The following SLC22A15 variants were observed in gnomAD, a reference collection of about 807,000 sequenced individuals.
SLC22A15 encodes solute carrier family 22 member 15, also known as flipt 1.
SLC22A15 carries 45 observed loss-of-function variants against 62.7 expected under a neutral mutation model. That is an observed-to-expected ratio of 0.72 (90% confidence interval 0.56 to 0.92). SLC22A15 has a LOEUF of 0.92. SLC22A15 is among the 40% of genes least tolerant of loss of function. The pLI is 0.00. For missense variants in SLC22A15, 622 were observed against 665.6 expected, an observed-to-expected ratio of 0.93 and a Z score of 0.72; for synonymous variants, 264 against 267.0, an observed-to-expected ratio of 0.99 and a Z score of 0.11.
intron 8 of SLC22A15, among the ~76,000 whole-genome samples, chr1:116,042,483 C>T (rs556720013): frequency 9.2e-5 from 14 of 151,916 alleles, no homozygotes; most frequent in Non-Finnish European, 2.1e-4. Context: ...ACTAACAAAA[C>T]ATCAGTGAAT....
At chr1:116,046,827 C>T (rs570494004) in intron 8 of SLC22A15, among the ~76,000 whole-genome samples, 94 of 152,312 alleles carry the variant, frequency 6.2e-4, no homozygotes, top group African/African-American at 2.1e-3. Context: ...GGAGCTGAGT[C>T]AATTAAGACA....
chr1:116,026,831 G>A (rs752282384), intron 4 of SLC22A15, 62 bp from the exon 5 acceptor site: 83 of 1,591,052 alleles, frequency 5.2e-5, no homozygotes, highest in Middle Eastern at 2.3e-4. Flanking sequence ...TGTAACTTGG[G>A]GTTGGAAATG....
intron 1 of SLC22A15, among the ~76,000 whole-genome samples, chr1:115,980,213 T>A (rs1043194104): frequency 6.6e-6 from 1 of 152,174 alleles, no homozygotes; most frequent in Non-Finnish European, 1.5e-5. Context: ...ACTTGCTATA[T>A]TAGCAAACAT....
At chr1:116,031,825 A>G in intron 6 of SLC22A15, 1 of 1,360,856 alleles carries the variant, frequency 7.3e-7, no homozygotes, top group Non-Finnish European at 9.4e-7. Context: ...AGTAGACATC[A>G]GAAGCACATC....
intron 8 of SLC22A15, among the ~76,000 whole-genome samples, chr1:116,056,566 A>T (rs1408062194): frequency 6.6e-6 from 1 of 151,770 alleles, no homozygotes; most frequent in African/African-American, 2.4e-5. Context: ...TTTAAAGTTC[A>T]TATGGAACCA....
At chr1:116,038,953 C>T (rs1657710130) in intron 8 of SLC22A15, among the ~76,000 whole-genome samples, 1 of 152,170 alleles carries the variant, frequency 6.6e-6, no homozygotes, top group African/African-American at 2.4e-5. Context: ...AACCTATCCC[C>T]TAGGACTCTA....
At chr1:116,046,538 C>T (rs557980323) in intron 8 of SLC22A15, among the ~76,000 whole-genome samples, 3 of 152,222 alleles carry the variant, frequency 2.0e-5, no homozygotes, top group Admixed American at 6.5e-5. Flanking sequence ...ATCATCATGG[C>T]GGACAGAAAG....
At position 115,983,425 on chromosome 1, in the gene SLC22A15, T is replaced by A. The variant is rs1485111858; in HGVS notation, c.87+6711T>A. On this transcript the variant is annotated intron_variant, in intron 1 of 11. Coordinates refer to ENST00000369503, the MANE Select transcript of SLC22A15 (RefSeq NM_018420.3). The stretch of plus-strand genomic sequence containing the variant: ...AGAAGCAGGACCCCTAGGATGGAGA[T>A]GTGTGTGTGTGTGTGCACGCGCACA... Among the ~76,000 whole-genome samples, 3 of 148,636 alleles carry A rather than the reference T, an allele frequency of 2.0e-5. No individual in the cohort carries two copies. In the Admixed American group the frequency reaches 2.0e-4, roughly 10 times the overall value.
chr1:116,045,665 G>C (rs569461030), intron 8 of SLC22A15, among the ~76,000 whole-genome samples: 1 of 151,354 alleles, frequency 6.6e-6, no homozygotes, highest in South Asian at 2.1e-4. Flanking sequence ...CTTGAACCCG[G>C]GGGGTAGAGG....
In SLC22A15 at chr1:116,045,565, C is replaced by A. The variant is rs1415810779; in HGVS notation, c.1171+8177C>A. Among the ~76,000 whole-genome samples the A allele has an allele frequency of 4.0e-5, 6 of 150,666 alleles. No homozygotes were observed. In the South Asian group the frequency reaches 6.3e-4, roughly 16 times the overall value. Reference sequence around the variant, plus strand: ...ACCAGCTTGGCCAACATGGTGAAACCCCGTCTCTACTAAAAATACAAAAAT... The same window carrying A: ...ACCAGCTTGGCCAACATGGTGAAACACCGTCTCTACTAAAAATACAAAAAT... On this transcript the variant is annotated intron_variant, in intron 8 of 11. Transcript: ENST00000369503.
chr1:116,005,637 A>C (rs1038776736), intron 2 of SLC22A15, among the ~76,000 whole-genome samples: 4 of 152,126 alleles, frequency 2.6e-5, no homozygotes, highest in Admixed American at 1.3e-4. Flanking sequence ...CACTATAGGT[A>C]AACTCCAATT....
intron 2 of SLC22A15, chr1:116,017,545 G>A (rs965785689): frequency 6.6e-6 from 1 of 152,156 alleles, no homozygotes; most frequent in Admixed American, 6.5e-5. Context: ...CAATTCCTGA[G>A]CCTTTTGGTG....
intron 8 of SLC22A15, among the ~76,000 whole-genome samples, chr1:116,038,697 G>A (rs75969452): frequency 4.4e-4 from 67 of 152,292 alleles, no homozygotes; most frequent in African/African-American, 1.5e-3. Flanking sequence ...TTGTCTTCTG[G>A]TAAGACTGTG....
At position 115,992,143 on chromosome 1, in the gene SLC22A15, G is replaced by T. The variant is rs79782275; in HGVS notation, c.200G>T (p.Gly67Val). 6.2e-7 allele frequency: 1 copy of T among 1,613,594 alleles called. No homozygotes were observed. The highest frequency in any genetic ancestry group is 2.2e-5 in the East Asian group (1 of 44,868). ...PNQSHGNQSA[G>V]EDQAFGDWLL... The stretch of plus-strand genomic sequence containing the variant: ...CAGAGCCACGGTAACCAGTCAGCTG[G>T]TGAAGACCAGGCCTTTGGGGACTGG... Residue 67 changes from glycine (G) to valine (V), a missense_variant, in exon 2 of 12, where the codon GGT becomes GTT. Gly to Val is a moderately radical substitution (Grantham distance 109). Transcript: ENST00000369503.
chr1:115,993,457 G>T (rs1655257506), intron 2 of SLC22A15, among the ~76,000 whole-genome samples: 1 of 149,204 alleles, frequency 6.7e-6, no homozygotes, highest in Non-Finnish European at 1.5e-5. Flanking sequence ...GTGTGTGTGT[G>T]TCTGTCTGTC....
At chr1:116,025,337 C>G (rs1295974094) in intron 4 of SLC22A15, among the ~76,000 whole-genome samples, 1 of 152,130 alleles carries the variant, frequency 6.6e-6, no homozygotes, top group Non-Finnish European at 1.5e-5. Flanking sequence ...AGCAGTGAAC[C>G]AGTAGTAGCT....
At position 116,062,115 on chromosome 1, in the gene SLC22A15, A is replaced by G. The variant is rs200694743; in HGVS notation, c.1172-647A>G. Among the ~76,000 whole-genome samples the G allele has an allele frequency of 5.9e-5, 9 of 152,284 alleles. No homozygotes were observed. The East Asian group carries it at 1.7e-3, about 29-fold the overall frequency. ...TTCCAGCTACTCGGGAGACTGAGGC[A>G]GGAGAATCGCTTGAGCCCAGGAGGC... On this transcript the variant is annotated intron_variant, in intron 8 of 11. Transcript: ENST00000369503.
At chr1:116,049,965 C>T (rs1557905373) in intron 8 of SLC22A15, among the ~76,000 whole-genome samples, 1 of 152,118 alleles carries the variant, frequency 6.6e-6, no homozygotes, top group Non-Finnish European at 1.5e-5. Flanking sequence ...CTACTATGAA[C>T]ACCTTCACAC....
intron 6 of SLC22A15, 152 bp downstream of exon 6, chr1:116,031,733 C>T: frequency 6.9e-7 from 1 of 1,445,458 alleles, no homozygotes; most frequent in African/African-American, 1.4e-5. Context: ...ATCCTTAGCG[C>T]CTGGTTTTCT....
Sources: allele counts gnomAD v4.1 joint callset (sites outside exome capture counted in the v4.1 genomes callset), GRCh38; gene constraint gnomAD v4.1.1; transcripts MANE v1.5; gene names NCBI Gene and HGNC (gene_info 2026-07-23, HGNC 2026-07-21).